Variants in LRP1B observed in about 807,000 individuals in gnomAD.
The protein encoded by LRP1B is LDL receptor related protein 1B.
In LRP1B, 217 loss-of-function variants were observed where a neutral mutation model predicts 556.6. The observed-to-expected ratio is 0.39, with a 90% CI of 0.35 to 0.44. LRP1B has a LOEUF of 0.44. Among genes scored for constraint, LRP1B ranks in the 20% least tolerant of loss-of-function variants. LRP1B has a pLI of 1.00. For synonymous variants in LRP1B, 2,047 were observed against 1,865.8 expected, an observed-to-expected ratio of 1.10 and a Z score of -2.50; for missense variants, 5,053 against 5,620.8, an observed-to-expected ratio of 0.90 and a Z score of 3.23.
chr2:142,099,238 A>G (rs1219186757), intron 1 of LRP1B, among the ~76,000 whole-genome samples: 2 of 151,842 alleles, frequency 1.3e-5, no homozygotes, highest in African/African-American at 2.4e-5. Flanking sequence ...TCTTACTGAG[A>G]TATTTCAATA....
At chr2:141,038,139 TAA>T (rs34603242) in intron 11 of LRP1B, among the ~76,000 whole-genome samples, 1 of 148,808 alleles carries the variant, frequency 6.7e-6, no homozygotes, top group Non-Finnish European at 1.5e-5. Context: ...TAAAAATAAT[TAA>T]AAAAAAAATC....
At chr2:141,679,480 A>G (rs1396450489) in intron 2 of LRP1B, among the ~76,000 whole-genome samples, 1 of 152,184 alleles carries the variant, frequency 6.6e-6, no homozygotes, top group African/African-American at 2.4e-5. Flanking sequence ...TATGGAAAAT[A>G]AAAACATATC....
At chr2:140,606,334 G>A (rs1445858163) in intron 41 of LRP1B, among the ~76,000 whole-genome samples, 1 of 151,824 alleles carries the variant, frequency 6.6e-6, no homozygotes, top group East Asian at 1.9e-4. Flanking sequence ...TAAAACATAT[G>A]CACCCAAACT....
intron 8 of LRP1B, among the ~76,000 whole-genome samples, chr2:141,060,343 A>G (rs1283018427): frequency 1.3e-5 from 2 of 151,724 alleles, no homozygotes; most frequent in Admixed American, 6.6e-5. Context: ...TTGTATGTAC[A>G]TGTTACTCCA....
At chr2:141,122,185 G>A (rs1483428726) in intron 7 of LRP1B, among the ~76,000 whole-genome samples, 4 of 152,192 alleles carry the variant, frequency 2.6e-5, no homozygotes, top group Non-Finnish European at 5.9e-5. Context: ...CAGGACATAG[G>A]CATGGGCAAG....
intron 60 of LRP1B, among the ~76,000 whole-genome samples, chr2:140,460,900 G>T (rs965997932): frequency 5.9e-5 from 9 of 151,864 alleles, no homozygotes; most frequent in African/African-American, 2.2e-4. Context: ...CTTCTTTTGG[G>T]AGTTTTTCCC....
chr2:140,362,939 G>A (rs1188104444), intron 72 of LRP1B, among the ~76,000 whole-genome samples: 4 of 151,458 alleles, frequency 2.6e-5, no homozygotes, highest in Non-Finnish European at 5.9e-5. Context: ...AAATAATCAT[G>A]GTCTCTTGCT....
At chr2:140,817,191 G>A (rs1365827735) in intron 31 of LRP1B, among the ~76,000 whole-genome samples, 1 of 152,024 alleles carries the variant, frequency 6.6e-6, no homozygotes, top group Non-Finnish European at 1.5e-5. Context: ...AAAGGCTATA[G>A]AATCTGTCTG....
At chr2:140,978,893 C>A (rs1372559252) in intron 18 of LRP1B, among the ~76,000 whole-genome samples, 2 of 152,164 alleles carry the variant, frequency 1.3e-5, no homozygotes, top group Non-Finnish European at 2.9e-5. Context: ...TATTTCAGAA[C>A]CAAACTGTCT....
chr2:141,962,370 C>T (rs912858695), intron 1 of LRP1B, among the ~76,000 whole-genome samples: 19 of 151,852 alleles, frequency 1.3e-4, no homozygotes, highest in Non-Finnish European at 2.4e-4. Flanking sequence ...AACAGCCTTC[C>T]TCCTGACTTG....
Position 140,767,706 on chromosome 2 carries a change from G to A in LRP1B, c.5758+1507C>T, listed in dbSNP as rs1444110640. The stretch of plus-strand genomic sequence containing the variant: ...GTACATGTGCACATTGTGCAGGTTA[G>A]TTACATATGTATACATGTGCCATGC... On this transcript the variant is annotated intron_variant, in intron 35 of 90. Transcript: ENST00000389484. Among the ~76,000 whole-genome samples, 9 of 151,506 alleles carry A rather than the reference G, an allele frequency of 5.9e-5. No homozygotes were observed. In the South Asian group the frequency reaches 1.9e-3, roughly 31 times the overall value.
intron 16 of LRP1B, among the ~76,000 whole-genome samples, chr2:140,991,323 G>A (rs560815329): frequency 6.6e-6 from 1 of 152,222 alleles, no homozygotes; most frequent in Admixed American, 6.5e-5. Flanking sequence ...GGAATAGAAA[G>A]TAGAATAACA....
At chr2:140,397,764 A>T (rs1173730031) in intron 66 of LRP1B, among the ~76,000 whole-genome samples, 4 of 152,136 alleles carry the variant, frequency 2.6e-5, no homozygotes, top group African/African-American at 9.7e-5. Context: ...TTCGAATAAG[A>T]AAGATAATTA....
chr2:141,989,791 C>A (rs1014446665), intron 1 of LRP1B, among the ~76,000 whole-genome samples: 3 of 152,032 alleles, frequency 2.0e-5, no homozygotes, highest in African/African-American at 7.2e-5. Context: ...TTCCTGAGGC[C>A]TCCCCAGCCA....
In LRP1B at chr2:140,525,991, T is replaced by A. The variant is rs769008021; in HGVS notation, c.7879A>T (p.Asn2627Tyr). ...TTATAGAAATGTGTGCAGTCTGTGT[T>A]ATCTAGAAGAAGGTAAACAAAAAAT... is the stretch of plus-strand genomic sequence containing the variant. ...ADASDEKNCN[N>Y]TDCTHFYKLG... The change falls in exon 49 of 91, where the codon AAC (asparagine) becomes TAC (tyrosine). Residue 2627 changes from asparagine to tyrosine, a missense_variant and splice_region_variant. Physicochemically the swap from Asn to Tyr is moderately radical, Grantham distance 143. Around this residue, in one of 5 missense-constraint regions of LRP1B, gnomAD observed 3,619 missense variants for 3,931.9 expected, o/e 0.92. Coordinates refer to ENST00000389484, the MANE Select transcript of LRP1B (RefSeq NM_018557.3). 6.2e-7 allele frequency: 1 copy of A among 1,611,472 alleles called. No homozygotes were observed. Among genetic ancestry groups the A allele is most frequent in the South Asian group, 1.1e-5 (1 of 90,868 alleles).
At chr2:141,736,093 T>G (rs763765803) in intron 2 of LRP1B, among the ~76,000 whole-genome samples, 8 of 152,072 alleles carry the variant, frequency 5.3e-5, no homozygotes, top group Non-Finnish European at 7.4e-5. Context: ...TAGGGGCAGG[T>G]TGTTCCCAGA....
At chr2:140,558,843 G>C (rs774030678) in intron 43 of LRP1B, among the ~76,000 whole-genome samples, 1 of 151,832 alleles carries the variant, frequency 6.6e-6, no homozygotes, top group African/African-American at 2.4e-5. Flanking sequence ...GGCTGAGGTG[G>C]GAGGATAGCT....
At chr2:142,030,637 C>T (rs1574612812) in intron 1 of LRP1B, among the ~76,000 whole-genome samples, 1 of 151,862 alleles carries the variant, frequency 6.6e-6, no homozygotes, top group East Asian at 1.9e-4. Context: ...AAACCAGGGG[C>T]CCAGCTAGTA....
chr2:140,834,953 G>A (rs1474208650), intron 31 of LRP1B, among the ~76,000 whole-genome samples: 2 of 151,972 alleles, frequency 1.3e-5, no homozygotes, highest in Non-Finnish European at 2.9e-5. Context: ...GCATATCTGG[G>A]AGCAACGTAT....
Sources: allele counts gnomAD v4.1 joint callset (sites outside exome capture counted in the v4.1 genomes callset), GRCh38; gene constraint gnomAD v4.1.1; regional missense constraint gnomAD v4.1.1; transcripts MANE v1.5; gene names NCBI Gene and HGNC (gene_info 2026-07-23, HGNC 2026-07-21).